The following BCL2L14 variants were observed in gnomAD, a reference collection of about 807,000 sequenced individuals.
The protein encoded by BCL2L14 is BCL2 like 14, also known as apoptosis facilitator Bcl-2-like protein 14.
In BCL2L14, 27 loss-of-function variants were observed where a neutral mutation model predicts 35.3. The ratio of observed to expected loss-of-function variants is 0.76; its 90% CI spans 0.56 to 1.05. BCL2L14 has a LOEUF of 1.05. Among genes scored for constraint, BCL2L14 ranks in the 50% least tolerant of loss-of-function variants. The pLI, the probability that BCL2L14 is intolerant of heterozygous loss-of-function variation, is 0.00. For missense variants in BCL2L14, 377 were observed against 382.6 expected (o/e 0.99, Z 0.12); for synonymous variants, 139 against 145.9 (o/e 0.95, Z 0.34).
rs1258829262 is a variant in BCL2L14, at chr12:12,060,730, T to C, written c.-272+8883T>C. On this transcript the variant is annotated intron_variant, in intron 2 of 3. Coordinates refer to the BCL2L14 transcript ENST00000461264. ...GCAGCCCAGGATTCCTCCTAAGCCG[T>C]GTCCCATCTGTGCGGGACCCCACTG... is the stretch of plus-strand genomic sequence containing the variant. Among the ~76,000 whole-genome samples, 15 of 76,532 alleles carry C rather than the reference T, an allele frequency of 2.0e-4. 1 individual carries two copies. Among genetic ancestry groups the C allele is most frequent in the Admixed American group, 3.1e-4 (2 of 6,538 alleles). The allele number at this position is 76,532 out of a possible 152,430, so 50.2% of individuals were successfully genotyped here.
Position 12,087,244 on chromosome 12 carries a change from C to T in BCL2L14, c.465C>T (p.Asn155=). The T allele has an allele frequency of 6.2e-7, 1 of 1,614,180 alleles. No homozygotes were observed. The highest frequency in any genetic ancestry group is 8.5e-7 in the Non-Finnish European group (1 of 1,180,034). Residue 155 remains asparagine (N), a synonymous_variant, in exon 3 of 6, where the codon AAC becomes AAT. Coordinates refer to ENST00000308721, the MANE Select transcript of BCL2L14 (RefSeq NM_138723.2). The part of the protein sequence containing the change: ...AVDPKVISIA[N]RVAEIVYSWP... ...ACCCCAAAGTCATTTCCATTGCCAA[C>T]CGAGTAGCTGAAATTGTTTACTCCT...
chr12:12,068,485 C>T (rs1446619316), upstream of BCL2L14, among the ~76,000 whole-genome samples: 1 of 152,110 alleles, frequency 6.6e-6, no homozygotes. Context: ...TTGCTGCCCC[C>T]TTGAACTCCT....
intron 2 of BCL2L14, among the ~76,000 whole-genome samples, chr12:12,058,050 C>T (rs1333058377): frequency 2.7e-5 from 4 of 149,382 alleles, no homozygotes; most frequent in African/African-American, 9.9e-5. Flanking sequence ...TGTGTTCAAG[C>T]AATTCTTTTG....
At chr12:12,081,751 G>A (rs980799775) in intron 2 of BCL2L14, among the ~76,000 whole-genome samples, 2 of 151,908 alleles carry the variant, frequency 1.3e-5, no homozygotes, top group Non-Finnish European at 2.9e-5. Context: ...TAGAGACAGC[G>A]TTTCACCATG....
At chr12:12,080,542 C>T (rs1045815906) in intron 2 of BCL2L14, among the ~76,000 whole-genome samples, 1 of 151,618 alleles carries the variant, frequency 6.6e-6, no homozygotes, top group African/African-American at 2.4e-5. Context: ...ATCGCTTGAA[C>T]CTGGGAGGCG....
intron 1 of BCL2L14, among the ~76,000 whole-genome samples, chr12:12,074,639 A>G (rs1364365386): frequency 6.6e-6 from 1 of 151,950 alleles, no homozygotes; most frequent in Non-Finnish European, 1.5e-5. Context: ...AAGTTTCACC[A>G]TGTTGGCCAG....
chr12:12,081,918 G>A (rs1948935818), intron 2 of BCL2L14, among the ~76,000 whole-genome samples: 1 of 152,240 alleles, frequency 6.6e-6, no homozygotes, highest in Middle Eastern at 3.4e-3. Context: ...TGGGTAACTT[G>A]TCAATAATTA....
chr12:12,089,013 A>C (rs748178584), intron 3 of BCL2L14, among the ~76,000 whole-genome samples: 29 of 152,262 alleles, frequency 1.9e-4, no homozygotes, highest in Non-Finnish European at 2.2e-4. Flanking sequence ...CAGCTGTGCC[A>C]GCAACTTTCC....
intron 1 of BCL2L14, among the ~76,000 whole-genome samples, chr12:12,050,605 GA>G (rs1246962474): frequency 1.3e-5 from 2 of 151,466 alleles, no homozygotes; most frequent in Non-Finnish European, 2.9e-5. Context: ...AACCCAAATT[GA>G]AAAGGAACAG....
intron 3 of BCL2L14, among the ~76,000 whole-genome samples, chr12:12,088,780 C>A (rs1266927592): frequency 6.6e-6 from 1 of 152,164 alleles, no homozygotes; most frequent in Non-Finnish European, 1.5e-5. Context: ...TGTCTCCCAA[C>A]CCCGATGCAG....
chr12:12,098,217 C>T (rs1398660766), intron 5 of BCL2L14, among the ~76,000 whole-genome samples: 1 of 152,120 alleles, frequency 6.6e-6, no homozygotes, highest in Admixed American at 6.6e-5. Flanking sequence ...CCAAGTGTCT[C>T]GATGGCTCTC....
chr12:12,087,231 T>C lies in BCL2L14; in HGVS notation c.452T>C (p.Ile151Thr). ...LEHEAVDPKV[I>T]SIANRVAEIV... ...GTTTCAGCTGTGGACCCCAAAGTCA[T>C]TTCCATTGCCAACCGAGTAGCTGAA... The change falls in exon 3 of 6, where the codon ATT (isoleucine) becomes ACT (threonine). Residue 151 changes from isoleucine to threonine, a missense_variant. Physicochemically the swap from Ile to Thr is moderately conservative, Grantham distance 89. Coordinates refer to ENST00000308721, the MANE Select transcript of BCL2L14 (RefSeq NM_138723.2). 6.2e-7 allele frequency: 1 copy of C among 1,614,204 alleles called. No individual in the cohort carries two copies. Among genetic ancestry groups the C allele is most frequent in the Non-Finnish European group, 8.5e-7 (1 of 1,180,024 alleles).
At chr12:12,050,586 T>C (rs1948337798) in intron 1 of BCL2L14, among the ~76,000 whole-genome samples, 2 of 149,132 alleles carry the variant, frequency 1.3e-5, no homozygotes, top group African/African-American at 2.5e-5. Context: ...CTTATAGGAG[T>C]AGACCTGGAA....
intron 2 of BCL2L14, among the ~76,000 whole-genome samples, chr12:12,060,043 A>C (rs903285676): frequency 2.0e-5 from 3 of 151,036 alleles, no homozygotes; most frequent in Admixed American, 2.0e-4. Flanking sequence ...GAGTCTTTCT[A>C]ATCTTCCTTT....
upstream of BCL2L14, among the ~76,000 whole-genome samples, chr12:12,069,536 A>G (rs1396963442): frequency 7.0e-6 from 1 of 143,732 alleles, no homozygotes; most frequent in Non-Finnish European, 1.6e-5. Context: ...CGTCTCTACT[A>G]AAAATACAAA....
intron 5 of BCL2L14, among the ~76,000 whole-genome samples, chr12:12,096,735 C>T (rs536494984): frequency 6.6e-6 from 1 of 152,286 alleles, no homozygotes; most frequent in South Asian, 2.1e-4. Flanking sequence ...AAAGCATTGA[C>T]GTCGGTGAGG....
intron 2 of BCL2L14, among the ~76,000 whole-genome samples, chr12:12,080,310 C>G (rs78156730): frequency 6.6e-6 from 1 of 151,794 alleles, no homozygotes; most frequent in East Asian, 2.0e-4. Flanking sequence ...TCCTAGTCCT[C>G]TGTACCAGAC....
intron 1 of BCL2L14, among the ~76,000 whole-genome samples, chr12:12,050,793 T>TAAAAAAAAAAAAAAAAAAAAAAAAAAAAA (rs3052084): frequency 1.0e-4 from 9 of 88,296 alleles, no homozygotes; most frequent in East Asian, 3.5e-4. Flanking sequence ...GCTGATGAGC[T>TAAAAAAAAAAAAAAAAAAAAAAAAAAAAA]AAAAAAAAAA....
At chr12:12,091,795 A>G (rs1949195027) in intron 4 of BCL2L14, among the ~76,000 whole-genome samples, 1 of 152,126 alleles carries the variant, frequency 6.6e-6, no homozygotes, top group African/African-American at 2.4e-5. Context: ...GAGGGTGGAG[A>G]GGGGTGCAGA....
Sources: gnomAD v4.1 joint callset for allele counts (sites outside exome capture counted in the v4.1 genomes callset) on GRCh38, gnomAD v4.1.1 for gene constraint, MANE v1.5 for transcripts, NCBI Gene and HGNC (gene_info 2026-07-23, HGNC 2026-07-21) for gene names.